The following GALNT7 variants were observed in gnomAD, a reference collection of about 807,000 sequenced individuals.
The protein encoded by GALNT7 is polypeptide N-acetylgalactosaminyltransferase 7.
In GALNT7, 60 loss-of-function variants were observed where a neutral mutation model predicts 82.1. The ratio of observed to expected loss-of-function variants is 0.73; its 90% CI spans 0.59 to 0.91. The LOEUF (loss-of-function observed/expected upper bound fraction) is 0.91. GALNT7 is among the 40% of genes least tolerant of loss of function. The pLI is 0.00. For missense variants in GALNT7, 660 were observed against 804.2 expected (o/e 0.82, Z 2.17); for synonymous variants, 243 against 275.1 (o/e 0.88, Z 1.15).
At chr4:173,224,007 C>CTT (rs58190836) in intron 1 of GALNT7, among the ~76,000 whole-genome samples, 1 of 151,296 alleles carries the variant, frequency 6.6e-6, no homozygotes, top group Admixed American at 6.6e-5. Flanking sequence ...TAGCAGATCT[C>CTT]TTTTTTTTTG....
intron 6 of GALNT7, among the ~76,000 whole-genome samples, chr4:173,298,961 T>G (rs1486743162): frequency 6.6e-6 from 1 of 152,266 alleles, no homozygotes; most frequent in Admixed American, 6.5e-5. Flanking sequence ...GTAGAACAAC[T>G]TATGCTACTC....
chr4:173,287,858 C>A (rs1305670616), intron 2 of GALNT7, among the ~76,000 whole-genome samples: 1 of 152,190 alleles, frequency 6.6e-6, no homozygotes, highest in Admixed American at 6.5e-5. Context: ...TTAATATTAT[C>A]TCTGGCTTCC....
rs753569723 is a variant in GALNT7, at chr4:173,298,138, T to C, written c.989T>C (p.Ile330Thr). ...KDRTICTVPL[I>T]DVINGNTYEI... ...AGAACCATTTGCACTGTGCCGCTTA[T>C]AGATGTCATAAATGGCAACACATAT... is the stretch of plus-strand genomic sequence containing the variant. Residue 330 changes from isoleucine (I) to threonine (T), a missense_variant, in exon 6 of 12, where the codon ATA (isoleucine) becomes ACA (threonine). Coordinates refer to ENST00000265000, the MANE Select transcript of GALNT7 (RefSeq NM_017423.3). 1.2e-6 allele frequency: 2 copies of C among 1,614,088 alleles called. No individual in the cohort carries two copies. Among genetic ancestry groups the C allele is most frequent in the South Asian group, 2.2e-5 (2 of 91,082 alleles).
At position 173,168,945 on chromosome 4, in the gene GALNT7, C is replaced by T. The variant is rs935972665; in HGVS notation, c.110C>T (p.Pro37Leu). ...SLTPRPDDPS[P>L]LSRMREDRDV... ...ACCCCGCGGCCGGACGACCCAAGCC[C>T]GCTGAGCAGGATGAGGGTGAGTGAC... is the stretch of plus-strand genomic sequence containing the variant. Residue 37 changes from proline (P) to leucine (L), a missense_variant, in exon 1 of 12, where the codon CCG (proline) becomes CTG (leucine). Transcript: ENST00000265000. 2 of 1,613,456 alleles carry T rather than the reference C, an allele frequency of 1.2e-6. No individual in the cohort carries two copies. Among genetic ancestry groups the T allele is most frequent in the Admixed American group, 1.7e-5 (1 of 59,984 alleles).
At chr4:173,224,977 T>C (rs976516305) in intron 1 of GALNT7, among the ~76,000 whole-genome samples, 2 of 151,406 alleles carry the variant, frequency 1.3e-5, no homozygotes, top group Admixed American at 1.3e-4. Flanking sequence ...ATTGTGCCAC[T>C]GCACTCTAGC....
chr4:173,251,057 G>T (rs1734830920), intron 2 of GALNT7, among the ~76,000 whole-genome samples: 1 of 152,174 alleles, frequency 6.6e-6, no homozygotes, highest in Non-Finnish European at 1.5e-5. Context: ...TTTATTGGCT[G>T]CCTTTCTCAT....
intron 1 of GALNT7, among the ~76,000 whole-genome samples, chr4:173,225,056 A>G (rs1246424327): frequency 6.9e-6 from 1 of 145,508 alleles, no homozygotes; most frequent in East Asian, 2.0e-4. Context: ...AATAATTATA[A>G]TTATATCTGT....
intron 1 of GALNT7, among the ~76,000 whole-genome samples, chr4:173,238,365 T>C (rs192461178): frequency 1.1e-3 from 162 of 152,310 alleles, no homozygotes; most frequent in Admixed American, 1.7e-3. Flanking sequence ...ACTTAGGAGC[T>C]TTCTTTTTAA....
chr4:173,201,161 C>T (rs1561151721), intron 1 of GALNT7, among the ~76,000 whole-genome samples: 1 of 152,076 alleles, frequency 6.6e-6, no homozygotes, highest in Non-Finnish European at 1.5e-5. Flanking sequence ...TTACATAAGA[C>T]CTTTTAGAAT....
rs1343524377 is a variant in GALNT7, at chr4:173,226,787, C to T, written c.127-21193C>T. On this transcript the variant is annotated intron_variant, in intron 1 of 11. Coordinates refer to ENST00000265000, the MANE Select transcript of GALNT7 (RefSeq NM_017423.3). ...TTATGTGCTCTCAGCATAAGAAATG[C>T]CTGATTTTTCCATTTAAATGAGGTG... Among the ~76,000 whole-genome samples the T allele has an allele frequency of 5.3e-5, 8 of 152,248 alleles. No individual in the cohort carries two copies. The South Asian group carries it at 1.2e-3, about 24-fold the overall frequency.
At chr4:173,232,362 C>G (rs1168162540) in intron 1 of GALNT7, among the ~76,000 whole-genome samples, 1 of 151,664 alleles carries the variant, frequency 6.6e-6, no homozygotes, top group Non-Finnish European at 1.5e-5. Context: ...TTATGGAGGG[C>G]ATGGTATATT....
chr4:173,192,296 G>T (rs570284493), intron 1 of GALNT7, among the ~76,000 whole-genome samples: 64 of 151,832 alleles, frequency 4.2e-4, no homozygotes, highest in Non-Finnish European at 7.5e-4. Flanking sequence ...TTTTGTATTT[G>T]ATATATACCC....
chr4:173,284,859 C>T (rs13103748), intron 2 of GALNT7, among the ~76,000 whole-genome samples: 67,790 of 152,018 alleles, frequency 0.45, 18,085 homozygotes, highest in East Asian at 0.69. Context: ...CAATCCTATT[C>T]AATCTTAACC....
In GALNT7 at chr4:173,302,730, C is replaced by CA. The variant is rs1736994073; in HGVS notation, c.1266+567dup. On this transcript the variant is annotated intron_variant, in intron 7 of 11. Transcript: ENST00000265000. The surrounding 1 kb of genome is among the most constrained non-coding windows in gnomAD (Gnocchi z 4.2). ...AAAAGAAAGAGAGAGAGAACTATAT[C>CA]AGAGTGTGAGTTAAACAGGTATTCA... 6.6e-6 allele frequency among the ~76,000 whole-genome samples: 1 copy of CA among 152,220 alleles called. No homozygotes were observed. The highest frequency in any genetic ancestry group is 2.4e-5 in the African/African-American group (1 of 41,452).
At chr4:173,213,401 A>C (rs1207334708) in intron 1 of GALNT7, among the ~76,000 whole-genome samples, 1 of 152,136 alleles carries the variant, frequency 6.6e-6, no homozygotes, top group Non-Finnish European at 1.5e-5. Context: ...AGCAATTGCC[A>C]TTCAAGAGAG....
intron 1 of GALNT7, among the ~76,000 whole-genome samples, chr4:173,201,516 T>G (rs1244770262): frequency 6.6e-6 from 1 of 152,226 alleles, no homozygotes; most frequent in Non-Finnish European, 1.5e-5. Flanking sequence ...AACTAGAATA[T>G]AATCTATTTT....
chr4:173,182,892 C>CT (rs1478755440), intron 1 of GALNT7, among the ~76,000 whole-genome samples: 1 of 139,766 alleles, frequency 7.2e-6, no homozygotes, highest in Non-Finnish European at 1.5e-5. Flanking sequence ...ATAACCAAAC[C>CT]TTTGAATGAT....
chr4:173,247,765 A>C (rs1734694649), intron 1 of GALNT7, among the ~76,000 whole-genome samples: 2 of 152,172 alleles, frequency 1.3e-5, no homozygotes, highest in Admixed American at 6.6e-5. Context: ...ATTAATTTTG[A>C]AATAGTAAGG....
At position 173,320,230 on chromosome 4, in the gene GALNT7, ACT is replaced by A. The variant is rs1384882040; in HGVS notation, c.1837-1347_1837-1346del. ...TTTCTGTCCTCTGGATTCCCTTTAC[ACT>A]CTTAAAAATTTTTGAGCTCCCCCAC... On this transcript the variant is annotated intron_variant, in intron 11 of 11. Coordinates refer to ENST00000265000, the MANE Select transcript of GALNT7 (RefSeq NM_017423.3). This position sits in a 1 kb window ranked among gnomAD's most constrained non-coding sequence, Gnocchi z 4.1. Among the ~76,000 whole-genome samples the A allele has an allele frequency of 6.6e-6, 1 of 151,674 alleles. No individual in the cohort carries two copies. The highest frequency in any genetic ancestry group is 1.5e-5 in the Non-Finnish European group (1 of 67,924).
Sources: gnomAD v4.1 joint callset for allele counts (sites outside exome capture counted in the v4.1 genomes callset) on GRCh38, gnomAD v4.1.1 for gene constraint, Gnocchi (gnomAD v3.1) non-coding constraint, MANE v1.5 for transcripts, NCBI Gene and HGNC (gene_info 2026-07-23, HGNC 2026-07-21) for gene names.